SLIT3: variants seen among roughly 807,000 people sequenced by gnomAD.
The protein encoded by SLIT3 is slit homolog 3 protein.
SLIT3 carries 68 observed loss-of-function variants against 184.0 expected under a neutral mutation model. The observed-to-expected ratio is 0.37, with a 90% CI of 0.30 to 0.45. The LOEUF (loss-of-function observed/expected upper bound fraction) is 0.45, where lower values mean the gene tolerates loss of function less well. SLIT3 is among the 20% of genes least tolerant of loss of function. The pLI is 1.00. For synonymous variants in SLIT3, 831 were observed against 828.6 expected (o/e 1.00, Z -0.05); for missense variants, 1,707 against 2,026.0 (o/e 0.84, Z 3.02).
chr5:169,109,294 G>A (rs1008861710), intron 4 of SLIT3, among the ~76,000 whole-genome samples: 2 of 152,190 alleles, frequency 1.3e-5, no homozygotes, highest in African/African-American at 2.4e-5. Context: ...CTACTGCTAG[G>A]ACATGAGGAT....
chr5:168,761,921 A>AATTT (rs1554139194), intron 15 of SLIT3, among the ~76,000 whole-genome samples: 2 of 110,472 alleles, frequency 1.8e-5, no homozygotes, highest in African/African-American at 7.2e-5. Context: ...AAAAAAAAAA[A>AATTT]TTTTTTTTTT....
chr5:168,988,825 G>C (rs1755221271), intron 4 of SLIT3, among the ~76,000 whole-genome samples: 1 of 152,118 alleles, frequency 6.6e-6, no homozygotes, highest in African/African-American at 2.4e-5. Flanking sequence ...AGCCTTCCTG[G>C]GTTTTGCCTC....
intron 20 of SLIT3, among the ~76,000 whole-genome samples, chr5:168,726,685 T>G (rs1233310730): frequency 6.6e-6 from 1 of 151,816 alleles, no homozygotes; most frequent in Non-Finnish European, 1.5e-5. Context: ...AAAGATGCAG[T>G]TGAAGAGCCA....
intron 4 of SLIT3, among the ~76,000 whole-genome samples, chr5:168,920,816 T>A (rs1260072899): frequency 4.0e-5 from 6 of 148,456 alleles, no homozygotes; most frequent in Admixed American, 2.0e-4. Context: ...CTATTTTTTT[T>A]AAAAAACAGG....
chr5:168,855,776 T>C (rs1242150005), intron 5 of SLIT3, among the ~76,000 whole-genome samples: 1 of 152,036 alleles, frequency 6.6e-6, no homozygotes, highest in Non-Finnish European at 1.5e-5. Flanking sequence ...TTGGGGGTGA[T>C]GAAAATGTTT....
chr5:169,150,688 C>G (rs1762084535), intron 4 of SLIT3, among the ~76,000 whole-genome samples: 2 of 152,144 alleles, frequency 1.3e-5, no homozygotes. Flanking sequence ...GGTAAACTAC[C>G]TCCTGCTGTG....
chr5:169,061,451 G>A (rs997022918), intron 4 of SLIT3, among the ~76,000 whole-genome samples: 15 of 152,294 alleles, frequency 9.8e-5, no homozygotes, highest in Admixed American at 8.5e-4. Flanking sequence ...GCTATTCTTA[G>A]GCAGAGGCCC....
At chr5:168,742,977 C>G (rs1182297967) in intron 20 of SLIT3, among the ~76,000 whole-genome samples, 4 of 151,886 alleles carry the variant, frequency 2.6e-5, no homozygotes, top group African/African-American at 9.7e-5. Context: ...AAAAAAAATA[C>G]AAAAATTAGC....
intron 4 of SLIT3, among the ~76,000 whole-genome samples, chr5:168,972,705 T>C (rs1467404265): frequency 6.6e-6 from 1 of 152,162 alleles, no homozygotes; most frequent in Non-Finnish European, 1.5e-5. Context: ...ATTCCTTTCC[T>C]TCCTTCCTCT....
At chr5:168,828,972 A>G (rs1207995648) in intron 6 of SLIT3, among the ~76,000 whole-genome samples, 1 of 152,196 alleles carries the variant, frequency 6.6e-6, no homozygotes, top group Non-Finnish European at 1.5e-5. Context: ...ACTTAGGAAG[A>G]AGCCTAAACT....
intron 9 of SLIT3, among the ~76,000 whole-genome samples, chr5:168,804,266 T>C (rs1756872767): frequency 7.5e-6 from 1 of 132,554 alleles, no homozygotes; most frequent in African/African-American, 3.0e-5. Context: ...GCCAAGATTG[T>C]GTCATTGTAC....
intron 3 of SLIT3, among the ~76,000 whole-genome samples, chr5:169,217,801 C>A (rs969038097): frequency 2.6e-5 from 4 of 152,166 alleles, no homozygotes; most frequent in African/African-American, 9.7e-5. Flanking sequence ...GGTGGGAGGT[C>A]ATTAACCATG....
chr5:169,208,881 G>A (rs1246031123), intron 3 of SLIT3, among the ~76,000 whole-genome samples: 1 of 152,158 alleles, frequency 6.6e-6, no homozygotes, highest in African/African-American at 2.4e-5. Flanking sequence ...ATACAATTCA[G>A]GAGATAGGCA....
At chr5:169,212,914 T>C (rs960382763) in intron 3 of SLIT3, among the ~76,000 whole-genome samples, 5 of 152,226 alleles carry the variant, frequency 3.3e-5, no homozygotes, top group Admixed American at 1.3e-4. Flanking sequence ...ATTTCCCCAT[T>C]GCTTGTCTTT....
At chr5:169,002,461 A>T (rs2113425200) in intron 4 of SLIT3, among the ~76,000 whole-genome samples, 1 of 152,192 alleles carries the variant, frequency 6.6e-6, no homozygotes, top group East Asian at 1.9e-4. Flanking sequence ...GAGTTTCAGA[A>T]CTAGGAAATA....
intron 1 of SLIT3, among the ~76,000 whole-genome samples, chr5:169,296,067 T>C (rs994530341): frequency 6.6e-6 from 1 of 152,210 alleles, no homozygotes; most frequent in African/African-American, 2.4e-5. Flanking sequence ...AGGCAATAAA[T>C]ATTAGTTCAT....
At chr5:168,805,942 T>C (rs1756939424) in intron 9 of SLIT3, among the ~76,000 whole-genome samples, 1 of 152,208 alleles carries the variant, frequency 6.6e-6, no homozygotes, top group African/African-American at 2.4e-5. Context: ...GTCACATTAA[T>C]ATAGGTGAGA....
intron 3 of SLIT3, among the ~76,000 whole-genome samples, chr5:169,219,994 A>T (rs961631896): frequency 6.6e-6 from 1 of 152,178 alleles, no homozygotes; most frequent in African/African-American, 2.4e-5. Flanking sequence ...CGGTGTCTTC[A>T]GCTCACGTCT....
intron 4 of SLIT3, among the ~76,000 whole-genome samples, chr5:169,067,316 G>A (rs1161862751): frequency 6.6e-6 from 1 of 152,094 alleles, no homozygotes; most frequent in Non-Finnish European, 1.5e-5. Flanking sequence ...TGAGGCAGGA[G>A]AATTGCTTGA....
Sources: allele counts gnomAD v4.1 joint callset (sites outside exome capture counted in the v4.1 genomes callset), GRCh38; gene constraint gnomAD v4.1.1; transcripts MANE v1.5; gene names NCBI Gene and HGNC (gene_info 2026-07-23, HGNC 2026-07-21).